ARHGAP44: variants seen among roughly 807,000 people sequenced by gnomAD.
ARHGAP44 encodes Rho GTPase activating protein 44, also known as rho GTPase-activating protein 44.
ARHGAP44 carries 43 observed loss-of-function variants against 106.8 expected under a neutral mutation model. That is an observed-to-expected ratio of 0.40 (90% CI 0.32 to 0.52). The LOEUF (loss-of-function observed/expected upper bound fraction) is 0.52, where lower values mean the gene tolerates loss of function less well. Among genes scored for constraint, ARHGAP44 ranks in the 20% least tolerant of loss-of-function variants. The pLI, the probability that ARHGAP44 is intolerant of heterozygous loss-of-function variation, is 0.48. For synonymous variants in ARHGAP44, 439 were observed against 410.3 expected, an observed-to-expected ratio of 1.07 and a Z score of -0.85; for missense variants, 866 against 1,050.5, an observed-to-expected ratio of 0.82 and a Z score of 2.43.
chr17:12,900,555 A>G (rs2037345017), intron 3 of ARHGAP44, among the ~76,000 whole-genome samples: 2 of 152,214 alleles, frequency 1.3e-5, no homozygotes, highest in Non-Finnish European at 2.9e-5. Flanking sequence ...TACCCAACAA[A>G]TAAAGTGCTA....
intron 1 of ARHGAP44, among the ~76,000 whole-genome samples, chr17:12,865,666 A>T (rs568011580): frequency 6.6e-6 from 1 of 151,802 alleles, no homozygotes; most frequent in African/African-American, 2.4e-5. Context: ...GCGGGCACCT[A>T]TAGTCCCAGC....
At chr17:12,957,808 G>A (rs924359366) in intron 15 of ARHGAP44, among the ~76,000 whole-genome samples, 1 of 152,172 alleles carries the variant, frequency 6.6e-6, no homozygotes, top group Admixed American at 6.5e-5. Context: ...GACATTAAGG[G>A]AATGCTTTTT....
chr17:12,851,799 T>C (rs2035750580), intron 1 of ARHGAP44, among the ~76,000 whole-genome samples: 1 of 152,110 alleles, frequency 6.6e-6, no homozygotes, highest in South Asian at 2.1e-4. Flanking sequence ...TGAGGAAGAC[T>C]TTCCAGAAAT....
rs560432122 is a variant in ARHGAP44, at chr17:12,819,469, G to C, written c.53+29578G>C. Among the ~76,000 whole-genome samples, 4 of 151,724 alleles carry C rather than the reference G, an allele frequency of 2.6e-5. No homozygotes were observed. The East Asian group carries it at 7.7e-4, about 29-fold the overall frequency. ...ATAAGTACCTGGGAGTAAAATTGAT[G>C]GATCAATTTTGTAAGAAATCACCAA... On this transcript the variant is annotated intron_variant, in intron 1 of 20. Transcript: ENST00000379672.
In ARHGAP44 at chr17:12,870,682, C is replaced by T. The variant is rs188427496; in HGVS notation, c.54-24258C>T. Among the ~76,000 whole-genome samples the T allele has an allele frequency of 3.0e-4, 46 of 152,326 alleles. 1 individual carries two copies. Among genetic ancestry groups the T allele is most frequent in the Admixed American group, 1.9e-3 (29 of 15,310 alleles). On this transcript the variant is annotated intron_variant, in intron 1 of 20. Transcript: ENST00000379672. ...CTGGTGATTTACCTCCATCTCTCTA[C>T]ATAATAGGTTTATACTGCTAGTTTA...
intron 1 of ARHGAP44, among the ~76,000 whole-genome samples, chr17:12,802,340 C>T (rs574313856): frequency 3.3e-5 from 5 of 152,224 alleles, no homozygotes; most frequent in East Asian, 1.9e-4. Context: ...CTGGACAGTG[C>T]GGCCTGGGAG....
Position 12,915,958 on chromosome 17 carries a change from T to C in ARHGAP44, c.334T>C (p.Phe112Leu). ...EDKLAQELIH[F>L]ELQVERDVIE... The stretch of plus-strand genomic sequence containing the variant: ...CAAGCTGGCTCAGGAGCTGATACAT[T>C]TTGAGTTGCAAGTAGAGAGAGACGT... Residue 112 changes from phenylalanine to leucine, a missense_variant, in exon 5 of 21, where the codon TTT becomes CTT. Phe to Leu is a conservative substitution (Grantham distance 22). Around this residue, in one of 2 missense-constraint regions of ARHGAP44, gnomAD observed 448 missense variants for 646.9 expected, o/e 0.69. Coordinates refer to ENST00000379672, the MANE Select transcript of ARHGAP44 (RefSeq NM_014859.6). 6.2e-7 allele frequency: 1 copy of C among 1,613,924 alleles called. No homozygotes were observed. Among genetic ancestry groups the C allele is most frequent in the Non-Finnish European group, 8.5e-7 (1 of 1,179,862 alleles).
intron 19 of ARHGAP44, among the ~76,000 whole-genome samples, chr17:12,981,871 C>T (rs1227099283): frequency 6.6e-6 from 1 of 151,920 alleles, no homozygotes; most frequent in Non-Finnish European, 1.5e-5. Flanking sequence ...ATCAGCTGGG[C>T]GTGGTGGTGG....
intron 1 of ARHGAP44, among the ~76,000 whole-genome samples, chr17:12,845,408 T>C (rs900928199): frequency 6.7e-6 from 1 of 149,854 alleles, no homozygotes; most frequent in Non-Finnish European, 1.5e-5. Flanking sequence ...CTCGGGAGGC[T>C]GAGGCAGGAG....
intron 1 of ARHGAP44, among the ~76,000 whole-genome samples, chr17:12,824,681 G>A (rs2034867898): frequency 6.6e-6 from 1 of 152,046 alleles, no homozygotes; most frequent in African/African-American, 2.4e-5. Flanking sequence ...TATTTTCGGT[G>A]TTTCCCATCA....
intron 3 of ARHGAP44, among the ~76,000 whole-genome samples, chr17:12,903,126 G>GAGAGGAGAGA (rs57334058): frequency 1.4e-4 from 10 of 70,744 alleles, no homozygotes; most frequent in South Asian, 6.7e-4. Context: ...GAGAGAGAGA[G>GAGAGGAGAGA]GAGAGAGAGA....
intron 13 of ARHGAP44, among the ~76,000 whole-genome samples, chr17:12,952,885 G>C (rs1018153816): frequency 3.3e-5 from 5 of 151,660 alleles, no homozygotes; most frequent in African/African-American, 1.2e-4. Flanking sequence ...CCACCACCAC[G>C]CGTGGTCTCT....
intron 1 of ARHGAP44, among the ~76,000 whole-genome samples, chr17:12,887,633 G>A (rs2036920572): frequency 1.3e-5 from 2 of 152,128 alleles, no homozygotes; most frequent in Non-Finnish European, 2.9e-5. Flanking sequence ...TGATATCAAA[G>A]TAGTATTAGA....
At chr17:12,979,316 G>T (rs564989066) in intron 18 of ARHGAP44, among the ~76,000 whole-genome samples, 123 of 152,296 alleles carry the variant, frequency 8.1e-4, no homozygotes, top group African/African-American at 2.9e-3. Flanking sequence ...CTGAGGAACA[G>T]CCTTGCAGTA....
At position 12,804,412 on chromosome 17, in the gene ARHGAP44, G is replaced by A. The variant is rs568920501; in HGVS notation, c.53+14521G>A. Among the ~76,000 whole-genome samples, 14 of 152,308 alleles carry A rather than the reference G, an allele frequency of 9.2e-5. No individual in the cohort carries two copies. The South Asian group carries it at 1.4e-3, about 16-fold the overall frequency. On this transcript the variant is annotated intron_variant, in intron 1 of 20. Coordinates refer to ENST00000379672, the MANE Select transcript of ARHGAP44 (RefSeq NM_014859.6). ...ATCAAGACCCCATCTGGAGTTGGAC[G>A]TGGGGATAGCCTCGCCTAAGTCAGG... is the stretch of plus-strand genomic sequence containing the variant.
chr17:12,918,705 C>T (rs374876427), intron 5 of ARHGAP44, among the ~76,000 whole-genome samples: 2 of 152,294 alleles, frequency 1.3e-5, no homozygotes, highest in East Asian at 3.9e-4. Context: ...CCACGCTCTT[C>T]CTCCTTCAGC....
At position 12,789,674 on chromosome 17, in the gene ARHGAP44, C is replaced by T. The variant is rs2150744449; in HGVS notation, c.-165C>T. The T allele has an allele frequency of 2.3e-6, 1 of 433,584 alleles. No homozygotes were observed. The highest frequency in any genetic ancestry group is 3.8e-6 in the Non-Finnish European group (1 of 265,662). The allele number at this position is 433,584 out of a possible 1,614,324, so 26.9% of individuals were successfully genotyped here. A position where few individuals can be genotyped will look rare whatever the true frequency, so the allele number is the denominator to read the frequency against. On this transcript the variant is annotated 5_prime_UTR_variant, in exon 1 of 21. Coordinates refer to ENST00000379672, the MANE Select transcript of ARHGAP44 (RefSeq NM_014859.6). Reference sequence around the variant, plus strand: ...GCGCGGCGGGAGGAGTAGGCGGCGGCGCCCTCGGGAGGGAGCTGCGCGCGG... The same window carrying T: ...GCGCGGCGGGAGGAGTAGGCGGCGGTGCCCTCGGGAGGGAGCTGCGCGCGG...
chr17:12,980,700 C>G (rs923164250), intron 19 of ARHGAP44, among the ~76,000 whole-genome samples: 2 of 152,148 alleles, frequency 1.3e-5, no homozygotes, highest in African/African-American at 4.8e-5. Flanking sequence ...CTGAATGGCC[C>G]AAGAATGGCC....
At chr17:12,962,994 C>T (rs915536445) in intron 16 of ARHGAP44, among the ~76,000 whole-genome samples, 13 of 135,998 alleles carry the variant, frequency 9.6e-5, no homozygotes, top group Middle Eastern at 4.4e-3. Context: ...TGCAGTGAGC[C>T]GAGATAGTGC....
Sources: gnomAD v4.1 joint callset for allele counts (sites outside exome capture counted in the v4.1 genomes callset) on GRCh38, gnomAD v4.1.1 for gene constraint, gnomAD v4.1.1 regional missense constraint, MANE v1.5 for transcripts, NCBI Gene and HGNC (gene_info 2026-07-23, HGNC 2026-07-21) for gene names.